NSMCE2: variants seen among roughly 807,000 people sequenced by gnomAD.
NSMCE2 encodes NSE2 SUMO ligase component of SMC5/6 complex.
A neutral mutation model predicts 23.8 loss-of-function variants in NSMCE2; 24 were observed. The observed-to-expected ratio is 1.01, with a 90% CI of 0.73 to 1.42. The LOEUF (loss-of-function observed/expected upper bound fraction) is 1.42, where lower values mean the gene tolerates loss of function less well. NSMCE2 is among the 40% of genes most tolerant of loss of function. The pLI, the probability that NSMCE2 is intolerant of heterozygous loss-of-function variation, is 0.00. For synonymous variants in NSMCE2, 92 were observed against 94.1 expected (o/e 0.98, Z 0.13); for missense variants, 284 against 296.5 (o/e 0.96, Z 0.31).
intron 1 of NSMCE2, among the ~76,000 whole-genome samples, chr8:125,095,724 G>T (rs1013456235): frequency 4.6e-5 from 7 of 151,794 alleles, no homozygotes; most frequent in African/African-American, 1.7e-4. Flanking sequence ...GTGAAACCCC[G>T]TCTCTACTAA....
intron 5 of NSMCE2, among the ~76,000 whole-genome samples, chr8:125,194,729 A>G (rs1029071359): frequency 1.3e-5 from 2 of 152,190 alleles, no homozygotes; most frequent in African/African-American, 4.8e-5. Flanking sequence ...AAAAAAAGAA[A>G]TGGACAAACT....
At chr8:125,325,676 G>A (rs1206308901) in intron 5 of NSMCE2, among the ~76,000 whole-genome samples, 1 of 152,142 alleles carries the variant, frequency 6.6e-6, no homozygotes, top group Non-Finnish European at 1.5e-5. Context: ...ATGAAGTTGG[G>A]TGCAGTGGCT....
chr8:125,207,186 A>G (rs1824151258), intron 5 of NSMCE2, among the ~76,000 whole-genome samples: 1 of 151,642 alleles, frequency 6.6e-6, no homozygotes, highest in East Asian at 1.9e-4. Flanking sequence ...CTTCATTGGT[A>G]GTATTGGTTA....
At chr8:125,284,713 A>G (rs1214356656) in intron 5 of NSMCE2, among the ~76,000 whole-genome samples, 1 of 152,232 alleles carries the variant, frequency 6.6e-6, no homozygotes, top group Non-Finnish European at 1.5e-5. Flanking sequence ...AGAGGGCTTT[A>G]TTGGATCACT....
At chr8:125,354,909 C>T (rs1228137741) in intron 5 of NSMCE2, among the ~76,000 whole-genome samples, 3 of 152,132 alleles carry the variant, frequency 2.0e-5, no homozygotes, top group South Asian at 2.1e-4. Flanking sequence ...ACCTACATGA[C>T]GCCACAAGCA....
chr8:125,293,145 C>T (rs1246963119), intron 5 of NSMCE2, among the ~76,000 whole-genome samples: 1 of 152,164 alleles, frequency 6.6e-6, no homozygotes, highest in Non-Finnish European at 1.5e-5. Context: ...TGAGCACTTA[C>T]TATATTCTGG....
chr8:125,097,202 CACA>C (rs1817982058), intron 1 of NSMCE2, among the ~76,000 whole-genome samples: 1 of 152,048 alleles, frequency 6.6e-6, no homozygotes, highest in African/African-American at 2.4e-5. Context: ...CAGAAAAGAA[CACA>C]ACAAGAACCC....
At chr8:125,277,918 G>A (rs1308476010) in intron 5 of NSMCE2, among the ~76,000 whole-genome samples, 1 of 151,922 alleles carries the variant, frequency 6.6e-6, no homozygotes, top group Non-Finnish European at 1.5e-5. Flanking sequence ...TTAAAAAGAT[G>A]CAAAAATTCT....
intron 5 of NSMCE2, among the ~76,000 whole-genome samples, chr8:125,347,092 A>G (rs1239236629): frequency 6.6e-6 from 1 of 152,206 alleles, no homozygotes; most frequent in African/African-American, 2.4e-5. Context: ...ATTTGCCAGG[A>G]ACCATGCTAA....
chr8:125,094,802 T>C (rs1215192480), intron 1 of NSMCE2, among the ~76,000 whole-genome samples: 1 of 152,230 alleles, frequency 6.6e-6, no homozygotes, highest in Non-Finnish European at 1.5e-5. Flanking sequence ...TGTCTTCACA[T>C]GGTAGGGAGA....
chr8:125,292,156 G>A (rs1290156706), intron 5 of NSMCE2, among the ~76,000 whole-genome samples: 1 of 151,644 alleles, frequency 6.6e-6, no homozygotes, highest in Non-Finnish European at 1.5e-5. Context: ...GAAGAAGAGA[G>A]TATTAGTGAC....
intron 5 of NSMCE2, among the ~76,000 whole-genome samples, chr8:125,332,030 T>G (rs1829899556): frequency 2.0e-5 from 3 of 152,206 alleles, no homozygotes; most frequent in Non-Finnish European, 4.4e-5. Context: ...AAGTAGCTGC[T>G]ATCACCCTCC....
At chr8:125,230,341 C>T (rs1358791759) in intron 5 of NSMCE2, among the ~76,000 whole-genome samples, 1 of 152,166 alleles carries the variant, frequency 6.6e-6, no homozygotes, top group Non-Finnish European at 1.5e-5. Context: ...TTTAACAAGG[C>T]CCTACAATTG....
chr8:125,184,897 A>C (rs1450454052), intron 5 of NSMCE2, among the ~76,000 whole-genome samples: 1 of 152,126 alleles, frequency 6.6e-6, no homozygotes, highest in Non-Finnish European at 1.5e-5. Flanking sequence ...TTACAATAAT[A>C]ATTTTTTTGT....
chr8:125,281,075 G>T (rs1827671811), intron 5 of NSMCE2, among the ~76,000 whole-genome samples: 1 of 152,150 alleles, frequency 6.6e-6, no homozygotes. Flanking sequence ...TACAACTTTT[G>T]TGACAGTTAT....
chr8:125,126,581 G>A (rs896049068), intron 3 of NSMCE2, among the ~76,000 whole-genome samples: 3 of 152,118 alleles, frequency 2.0e-5, no homozygotes, highest in Non-Finnish European at 4.4e-5. Context: ...CTTGATGCAC[G>A]AAAGTCCTAT....
At chr8:125,305,521 A>G (rs924842042) in intron 5 of NSMCE2, among the ~76,000 whole-genome samples, 2 of 152,216 alleles carry the variant, frequency 1.3e-5, no homozygotes, top group African/African-American at 4.8e-5. Flanking sequence ...AGGCAGCTGG[A>G]AAATCAGACC....
chr8:125,295,943 G>A (rs1828305583), intron 5 of NSMCE2, among the ~76,000 whole-genome samples: 2 of 151,980 alleles, frequency 1.3e-5, no homozygotes, highest in African/African-American at 4.8e-5. Context: ...GCATAATCCT[G>A]AACCATGTGC....
intron 4 of NSMCE2, among the ~76,000 whole-genome samples, chr8:125,155,753 G>T (rs1303005797): frequency 1.3e-5 from 2 of 152,152 alleles, no homozygotes; most frequent in East Asian, 1.9e-4. Flanking sequence ...ATTGCTCAGG[G>T]TAGGTTTGGA....
Sources: gnomAD v4.1 joint callset for allele counts (sites outside exome capture counted in the v4.1 genomes callset) on GRCh38, gnomAD v4.1.1 for gene constraint, MANE v1.5 for transcripts, NCBI Gene and HGNC (gene_info 2026-07-23, HGNC 2026-07-21) for gene names.